ZNF69: variants seen among roughly 807,000 people sequenced by gnomAD.
The protein encoded by ZNF69 is zinc finger protein 69.
A neutral mutation model predicts 50.9 loss-of-function variants in ZNF69; 47 were observed. That is an observed-to-expected ratio of 0.92 (90% confidence interval 0.73 to 1.18). The LOEUF (loss-of-function observed/expected upper bound fraction) is 1.18, where lower values mean the gene tolerates loss of function less well. Among genes scored for constraint, ZNF69 ranks in the 50% most tolerant of loss-of-function variants. ZNF69 has a pLI of 0.00. For synonymous variants in ZNF69, 216 were observed against 223.1 expected (o/e 0.97, Z 0.29); for missense variants, 717 against 675.1 (o/e 1.06, Z -0.69).
At chr19:11,978,696 T>C in the ZNF69 span, 6 of 1,614,076 alleles carry the variant, frequency 3.7e-6, no homozygotes, top group African/African-American at 4.0e-5. Context: ...GCCTTATGAA[T>C]GTCAGCAATG....
chr19:11,971,148 T>G, the ZNF69 span, among the ~76,000 whole-genome samples: 3 of 152,244 alleles, frequency 2.0e-5, no homozygotes, highest in East Asian at 3.9e-4. Flanking sequence ...AGAATAAACA[T>G]TTGTTTCTGA....
intron 1 of ZNF69, among the ~76,000 whole-genome samples, chr19:11,899,969 T>G (rs1170685457): frequency 2.0e-4 from 31 of 152,160 alleles, no homozygotes; most frequent in Admixed American, 2.0e-3. Context: ...TTTTTTCCCT[T>G]TGGAGACGGA....
At chr19:11,949,321 C>T in the ZNF69 span, 1 of 1,613,388 alleles carries the variant, frequency 6.2e-7, no homozygotes, top group Non-Finnish European at 8.5e-7. Flanking sequence ...TGCCTCACAG[C>T]TTCGAGTGCA....
chr19:11,954,794 C>T, the ZNF69 span, among the ~76,000 whole-genome samples: 1 of 151,992 alleles, frequency 6.6e-6, no homozygotes, highest in Non-Finnish European at 1.5e-5. Context: ...GCACTCCAGC[C>T]TGGGTAATTG....
the ZNF69 span, among the ~76,000 whole-genome samples, chr19:11,941,029 G>A: frequency 3.9e-5 from 6 of 152,054 alleles, no homozygotes; most frequent in Non-Finnish European, 7.4e-5. Flanking sequence ...TAGACATAAA[G>A]GTTCTCCAAG....
At chr19:11,955,063 G>A in the ZNF69 span, among the ~76,000 whole-genome samples, 3 of 138,206 alleles carry the variant, frequency 2.2e-5, no homozygotes, top group African/African-American at 5.4e-5. Flanking sequence ...GGAATGCAAT[G>A]GCTCAATCTT....
downstream of ZNF69, among the ~76,000 whole-genome samples, chr19:11,918,551 G>C (rs1972540680): frequency 6.6e-6 from 1 of 151,766 alleles, no homozygotes; most frequent in Non-Finnish European, 1.5e-5. Flanking sequence ...CAGTGTTCTG[G>C]TCACTCACTG....
Position 11,906,536 on chromosome 19 carries a change from C to G in ZNF69, c.*438C>G, listed in dbSNP as rs561769558. 6.6e-6 allele frequency among the ~76,000 whole-genome samples: 1 copy of G among 152,344 alleles called. No homozygotes were observed. The highest frequency in any genetic ancestry group is 2.4e-5 in the African/African-American group (1 of 41,584). The stretch of plus-strand genomic sequence containing the variant: ...TTCTGCAATATTTGCTGTTCTGCAG[C>G]CCCTGCTGGTGATACCCAGGCAAAC... On this transcript the variant is annotated 3_prime_UTR_variant, in exon 4 of 4. Coordinates refer to ENST00000429654, the MANE Select transcript of ZNF69 (RefSeq NM_001364730.1).
chr19:11,922,125 GA>G, the ZNF69 span, among the ~76,000 whole-genome samples: 523 of 140,340 alleles, frequency 3.7e-3, 5 homozygotes, highest in East Asian at 0.013. Context: ...AATGTTGAAG[GA>G]AAAAAAAAAA....
At chr19:11,946,019 C>T in the ZNF69 span, among the ~76,000 whole-genome samples, 9 of 152,242 alleles carry the variant, frequency 5.9e-5, no homozygotes, top group South Asian at 1.5e-3. Context: ...GCACCAGTAT[C>T]GACAAGAAAC....
chr19:11,974,802 C>A, the ZNF69 span, among the ~76,000 whole-genome samples: 1 of 152,072 alleles, frequency 6.6e-6, no homozygotes, highest in South Asian at 2.1e-4. Flanking sequence ...GGAGTTACAC[C>A]ATGTTGGCCA....
the ZNF69 span, among the ~76,000 whole-genome samples, chr19:11,973,671 C>A: frequency 4.0e-5 from 6 of 151,864 alleles, no homozygotes; most frequent in African/African-American, 1.5e-4. Context: ...TGCTTGAGGC[C>A]ATCAGTTAGA....
At chr19:11,901,544 G>C (rs1972244105) in intron 1 of ZNF69, among the ~76,000 whole-genome samples, 1 of 152,182 alleles carries the variant, frequency 6.6e-6, no homozygotes, top group South Asian at 2.1e-4. Flanking sequence ...GAGTGCAGTG[G>C]CGTGATCTCG....
At chr19:11,923,076 C>T in the ZNF69 span, among the ~76,000 whole-genome samples, 2 of 152,308 alleles carry the variant, frequency 1.3e-5, no homozygotes, top group East Asian at 1.9e-4. Context: ...TTTGGCCTCC[C>T]AAAATGTTGG....
At chr19:11,952,179 CA>C in the ZNF69 span, among the ~76,000 whole-genome samples, 3 of 149,934 alleles carry the variant, frequency 2.0e-5, no homozygotes, top group Non-Finnish European at 4.5e-5. Context: ...AACTCCATCT[CA>C]AAAAAAAAGA....
the ZNF69 span, chr19:11,979,539 C>T: frequency 1.2e-6 from 2 of 1,603,536 alleles, no homozygotes; most frequent in East Asian, 4.5e-5. Flanking sequence ...GCAGAGAAAC[C>T]CTATGAATGC....
At chr19:11,949,541 G>A in the ZNF69 span, 1 of 1,610,128 alleles carries the variant, frequency 6.2e-7, no homozygotes, top group South Asian at 1.1e-5. Flanking sequence ...TCTGGAGAAA[G>A]ACCTTATAAA....
chr19:11,939,161 T>C, the ZNF69 span, among the ~76,000 whole-genome samples: 1 of 152,244 alleles, frequency 6.6e-6, no homozygotes, highest in African/African-American at 2.4e-5. Flanking sequence ...AAAAATTTTC[T>C]CCCATTCTAT....
the ZNF69 span, chr19:11,947,492 T>A: frequency 6.2e-7 from 1 of 1,611,052 alleles, no homozygotes; most frequent in Non-Finnish European, 8.5e-7. Context: ...TTCAGGACTA[T>A]TTTTCTGTGT....
Sources: gnomAD v4.1 joint callset for allele counts (sites outside exome capture counted in the v4.1 genomes callset) on GRCh38, gnomAD v4.1.1 for gene constraint, MANE v1.5 for transcripts, NCBI Gene and HGNC (gene_info 2026-07-23, HGNC 2026-07-21) for gene names.